Variants in KLRG1 observed in about 807,000 individuals in gnomAD.
KLRG1 encodes killer cell lectin like receptor G1, also known as killer cell lectin-like receptor subfamily G member 1.
KLRG1 carries 16 observed loss-of-function variants against 21.8 expected under a neutral mutation model. The ratio of observed to expected loss-of-function variants is 0.73; its 90% CI spans 0.50 to 1.11. The LOEUF is 1.11. Among genes scored for constraint, KLRG1 ranks in the 50% most tolerant of loss-of-function variants. KLRG1 has a pLI of 0.00. For missense variants in KLRG1, 173 were observed against 218.3 expected, an observed-to-expected ratio of 0.79 and a Z score of 1.31; for synonymous variants, 69 against 75.9, an observed-to-expected ratio of 0.91 and a Z score of 0.47.
At chr12:9,099,734 C>T in the KLRG1 span, among the ~76,000 whole-genome samples, 3 of 152,166 alleles carry the variant, frequency 2.0e-5, no homozygotes, top group African/African-American at 7.2e-5. Flanking sequence ...TCAGCTCACC[C>T]ACCTAATGTT....
At chr12:8,996,556 T>C (rs1158845167) in intron 3 of KLRG1, 2 of 152,154 alleles carry the variant, frequency 1.3e-5, no homozygotes, top group Non-Finnish European at 2.9e-5. Flanking sequence ...GTTCCTAAAT[T>C]TTATAGCTAC....
chr12:9,189,088 A>G, the KLRG1 span, among the ~76,000 whole-genome samples: 1 of 152,226 alleles, frequency 6.6e-6, no homozygotes, highest in Non-Finnish European at 1.5e-5. Flanking sequence ...CAATTTATAG[A>G]TTTAATGTTT....
the KLRG1 span, chr12:9,090,080 A>T: frequency 6.4e-7 from 1 of 1,556,578 alleles, no homozygotes; most frequent in Non-Finnish European, 8.7e-7. Flanking sequence ...CATGCCTCCA[A>T]ACTCAAGATT....
At chr12:9,076,034 G>A in the KLRG1 span, among the ~76,000 whole-genome samples, 6 of 152,082 alleles carry the variant, frequency 3.9e-5, no homozygotes, top group Non-Finnish European at 5.9e-5. Context: ...TTCTTCAACC[G>A]CTCATATAGA....
chr12:9,103,576 T>C, the KLRG1 span, among the ~76,000 whole-genome samples: 1 of 152,184 alleles, frequency 6.6e-6, no homozygotes, highest in African/African-American at 2.4e-5. Flanking sequence ...ATTTCTCTCT[T>C]TCCCTAGCCC....
chr12:9,192,322 A>G, the KLRG1 span: 1 of 1,479,548 alleles, frequency 6.8e-7, no homozygotes, highest in Non-Finnish European at 9.4e-7. Context: ...TCTATTCCCC[A>G]CATGACCCAC....
the KLRG1 span, among the ~76,000 whole-genome samples, chr12:9,204,123 T>G: frequency 4.3e-3 from 650 of 152,292 alleles, 3 homozygotes; most frequent in African/African-American, 0.014. Context: ...AATTTTATCT[T>G]TTACTCATCA....
At chr12:9,181,334 C>T in the KLRG1 span, among the ~76,000 whole-genome samples, 1 of 152,194 alleles carries the variant, frequency 6.6e-6, no homozygotes, top group Non-Finnish European at 1.5e-5. Flanking sequence ...TCACAGATCC[C>T]AACAACTCTA....
chr12:9,164,188 A>G, the KLRG1 span: 1 of 1,610,168 alleles, frequency 6.2e-7, no homozygotes, highest in Non-Finnish European at 8.5e-7. Context: ...TTCCACAGAT[A>G]CAATAGGATT....
At chr12:8,995,504 C>T (rs763495103) in intron 3 of KLRG1, among the ~76,000 whole-genome samples, 1 of 152,044 alleles carries the variant, frequency 6.6e-6, no homozygotes, top group Non-Finnish European at 1.5e-5. Flanking sequence ...CTTATGCTGT[C>T]TGACCCAACA....
chr12:9,079,958 G>T, the KLRG1 span: 1 of 988,804 alleles, frequency 1.0e-6, no homozygotes, highest in Non-Finnish European at 1.4e-6. Flanking sequence ...ATGATTGAAA[G>T]CAATAAACAA....
At chr12:9,091,169 C>T in the KLRG1 span, 2 of 1,599,662 alleles carry the variant, frequency 1.3e-6, no homozygotes, top group African/African-American at 2.7e-5. Flanking sequence ...TTGATGGCTA[C>T]CTTGTATTTA....
At chr12:9,174,840 T>C in the KLRG1 span, among the ~76,000 whole-genome samples, 1 of 152,170 alleles carries the variant, frequency 6.6e-6, no homozygotes, top group East Asian at 1.9e-4. Flanking sequence ...AAACATTCCA[T>C]CCTCACGCAT....
the KLRG1 span, among the ~76,000 whole-genome samples, chr12:9,197,460 AATAAT>A: frequency 1.5e-5 from 2 of 131,752 alleles, no homozygotes; most frequent in African/African-American, 6.0e-5. Flanking sequence ...AATAATATAT[AATAAT>A]ATAATATATA....
the KLRG1 span, chr12:9,200,548 G>T: frequency 2.2e-6 from 2 of 913,908 alleles, no homozygotes; most frequent in Non-Finnish European, 3.4e-6. Flanking sequence ...ATAACACTCT[G>T]AATGTTAGAT....
the KLRG1 span, among the ~76,000 whole-genome samples, chr12:9,048,028 GATATTC>G: frequency 6.6e-6 from 1 of 152,178 alleles, no homozygotes; most frequent in African/African-American, 2.4e-5. Flanking sequence ...GGTGCTAATT[GATATTC>G]ACAGGATATT....
At chr12:8,994,230 A>AT (rs1435216465) in intron 2 of KLRG1, among the ~76,000 whole-genome samples, 1 of 151,814 alleles carries the variant, frequency 6.6e-6, no homozygotes, top group Non-Finnish European at 1.5e-5. Flanking sequence ...TGCCCAGCTG[A>AT]TTTTTTTGTA....
the KLRG1 span, chr12:9,203,824 T>C: frequency 6.2e-7 from 1 of 1,613,940 alleles, no homozygotes; most frequent in African/African-American, 1.3e-5. Context: ...GTGAAGAGGC[T>C]CCTGTTTTCC....
the KLRG1 span, chr12:9,079,835 G>A: frequency 3.7e-5 from 57 of 1,555,614 alleles, no homozygotes; most frequent in African/African-American, 7.8e-4. Context: ...GGGAGAGATG[G>A]GAAGTCATAA....
Sources: allele counts gnomAD v4.1 joint callset (sites outside exome capture counted in the v4.1 genomes callset), GRCh38; gene constraint gnomAD v4.1.1; transcripts MANE v1.5; gene names NCBI Gene and HGNC (gene_info 2026-07-23, HGNC 2026-07-21).